Variants in ROBO1 observed in about 807,000 individuals in gnomAD.
ROBO1 encodes roundabout homolog 1.
In ROBO1, 149 loss-of-function variants were observed where a neutral mutation model predicts 195.9. That is an observed-to-expected ratio of 0.76 (90% CI 0.67 to 0.87). The LOEUF is 0.87. Among genes scored for constraint, ROBO1 ranks in the 40% least tolerant of loss-of-function variants. ROBO1 has a pLI of 0.00. For synonymous variants in ROBO1, 816 were observed against 733.2 expected (o/e 1.11, Z -1.82); for missense variants, 1,933 against 2,068.3 (o/e 0.93, Z 1.27).
intron 1 of ROBO1, among the ~76,000 whole-genome samples, chr3:79,670,224 C>G (rs1270519300): frequency 6.6e-6 from 1 of 151,754 alleles, no homozygotes; most frequent in African/African-American, 2.4e-5. Flanking sequence ...GGTAATTTAA[C>G]CTAAGTCATG....
intron 4 of ROBO1, among the ~76,000 whole-genome samples, chr3:78,775,585 G>A (rs944377785): frequency 1.3e-5 from 2 of 152,306 alleles, no homozygotes; most frequent in Non-Finnish European, 1.5e-5. Flanking sequence ...AAGAAGCAAT[G>A]ACACCTGTCT....
chr3:79,759,329 G>A (rs1378849119), intron 1 of ROBO1, among the ~76,000 whole-genome samples: 1 of 152,190 alleles, frequency 6.6e-6, no homozygotes, highest in East Asian at 1.9e-4. Context: ...TTATTCAAGG[G>A]TTACACATTG....
intron 2 of ROBO1, among the ~76,000 whole-genome samples, chr3:79,482,312 T>C (rs779210061): frequency 6.6e-6 from 1 of 152,186 alleles, no homozygotes; most frequent in East Asian, 1.9e-4. Context: ...AGATTTTATC[T>C]TGAACTGTGG....
intron 1 of ROBO1, among the ~76,000 whole-genome samples, chr3:79,695,918 A>G (rs751453926): frequency 2.7e-5 from 4 of 147,510 alleles, no homozygotes; most frequent in Non-Finnish European, 4.5e-5. Context: ...AGTAAAAATT[A>G]AGCGGACACA....
intron 2 of ROBO1, among the ~76,000 whole-genome samples, chr3:79,446,077 C>G (rs1377281907): frequency 2.0e-5 from 3 of 152,168 alleles, no homozygotes; most frequent in African/African-American, 7.2e-5. Context: ...GGATTACAGA[C>G]GTGAGTCACT....
At chr3:78,718,431 G>T (rs192353510) in intron 5 of ROBO1, among the ~76,000 whole-genome samples, 1 of 152,038 alleles carries the variant, frequency 6.6e-6, no homozygotes, top group African/African-American at 2.4e-5. Flanking sequence ...CCTTAAAAAC[G>T]TGATGTTGCT....
intron 10 of ROBO1, chr3:78,670,606 T>A: frequency 3.7e-6 from 1 of 267,550 alleles, no homozygotes; most frequent in Non-Finnish European, 7.2e-6. Context: ...AGAGACGTGA[T>A]CATGGAATAC....
At chr3:79,068,851 C>T (rs546203917) in intron 3 of ROBO1, among the ~76,000 whole-genome samples, 1 of 151,954 alleles carries the variant, frequency 6.6e-6, no homozygotes, top group East Asian at 1.9e-4. Context: ...GGAAATCTTC[C>T]TCAACTTCTG....
chr3:79,731,380 T>C (rs1383903816), intron 1 of ROBO1, among the ~76,000 whole-genome samples: 4 of 152,124 alleles, frequency 2.6e-5, no homozygotes, highest in Non-Finnish European at 4.4e-5. Flanking sequence ...CTGAGCTCCT[T>C]GGATCTATGT....
intron 3 of ROBO1, among the ~76,000 whole-genome samples, chr3:78,971,007 C>A (rs2076753132): frequency 6.6e-6 from 1 of 151,620 alleles, no homozygotes. Flanking sequence ...ACATACAATA[C>A]TAGAATACAC....
At chr3:78,791,036 T>A (rs987597039) in intron 4 of ROBO1, among the ~76,000 whole-genome samples, 1 of 152,180 alleles carries the variant, frequency 6.6e-6, no homozygotes, top group African/African-American at 2.4e-5. Flanking sequence ...ACCCTAGAGC[T>A]AGCGAGAGGA....
intron 2 of ROBO1, among the ~76,000 whole-genome samples, chr3:79,236,003 T>G (rs556992261): frequency 6.6e-6 from 1 of 152,196 alleles, no homozygotes; most frequent in Non-Finnish European, 1.5e-5. Flanking sequence ...CACAGAGAAG[T>G]TATCATTTCC....
At chr3:79,330,103 G>A (rs1367268743) in intron 2 of ROBO1, among the ~76,000 whole-genome samples, 1 of 151,452 alleles carries the variant, frequency 6.6e-6, no homozygotes, top group African/African-American at 2.4e-5. Flanking sequence ...AACTATAAAT[G>A]GAAATTCTAA....
chr3:78,803,995 C>T (rs1378144264), intron 4 of ROBO1, among the ~76,000 whole-genome samples: 2 of 152,098 alleles, frequency 1.3e-5, no homozygotes, highest in African/African-American at 4.8e-5. Context: ...GCACCTAGAC[C>T]ATGTGTCTCT....
At chr3:79,712,537 A>T (rs908710704) in intron 1 of ROBO1, among the ~76,000 whole-genome samples, 1 of 152,150 alleles carries the variant, frequency 6.6e-6, no homozygotes, top group Non-Finnish European at 1.5e-5. Flanking sequence ...TAAGAAAAGA[A>T]GTTGTCTGCA....
intron 2 of ROBO1, among the ~76,000 whole-genome samples, chr3:79,221,072 A>G (rs1192184039): frequency 6.6e-6 from 1 of 152,104 alleles, no homozygotes; most frequent in African/African-American, 2.4e-5. Flanking sequence ...CCACAGCTTC[A>G]GTTAATACTC....
intron 19 of ROBO1, among the ~76,000 whole-genome samples, chr3:78,651,389 T>C (rs1165794326): frequency 1.3e-5 from 2 of 152,062 alleles, no homozygotes; most frequent in African/African-American, 4.8e-5. Flanking sequence ...CGTTTATAAT[T>C]CCAATAACAA....
chr3:79,351,720 G>A (rs1053411724), intron 2 of ROBO1, among the ~76,000 whole-genome samples: 1 of 151,858 alleles, frequency 6.6e-6, no homozygotes, highest in Non-Finnish European at 1.5e-5. Flanking sequence ...TTTAATGAAA[G>A]AAAAAGCAAA....
At chr3:78,884,340 G>A (rs2036370338) in intron 4 of ROBO1, among the ~76,000 whole-genome samples, 2 of 152,040 alleles carry the variant, frequency 1.3e-5, no homozygotes, top group African/African-American at 4.8e-5. Context: ...GGCTGGGTGT[G>A]GTGGCTCACG....
Sources: allele counts gnomAD v4.1 joint callset (sites outside exome capture counted in the v4.1 genomes callset), GRCh38; gene constraint gnomAD v4.1.1; transcripts MANE v1.5; gene names NCBI Gene and HGNC (gene_info 2026-07-23, HGNC 2026-07-21).